Variants in OR51L1 observed in about 807,000 individuals in gnomAD.
The protein encoded by OR51L1 is olfactory receptor 51L1.
Under a neutral mutation model 1.4 loss-of-function variants are expected in OR51L1, and 1 was observed. The ratio of observed to expected loss-of-function variants is 0.72; its 90% confidence interval spans 0.26 to 3.42. OR51L1 has a LOEUF of 3.42. OR51L1 is among the 30% of genes most tolerant of loss of function. The pLI is 0.20. For missense variants in OR51L1, 378 were observed against 380.0 expected, an observed-to-expected ratio of 0.99 and a Z score of 0.04; for synonymous variants, 156 against 144.2, an observed-to-expected ratio of 1.08 and a Z score of -0.59.
rs1319326710 is a variant in OR51L1, at chr11:5,002,325, A to C, written c.*2395A>C. On this transcript the variant is annotated 3_prime_UTR_variant, in exon 3 of 3. Coordinates refer to ENST00000641819, the MANE Select transcript of OR51L1 (RefSeq NM_001004755.2). ...CACATCACTGGGAAAGGTATTCTAG[A>C]AAGAGGAGGTAACATGAAGAAAGCA... The C allele has an allele frequency of 1.3e-5, 2 of 152,196 alleles. No homozygotes were observed. The highest frequency in any genetic ancestry group is 3.8e-4 in the East Asian group (2 of 5,198). The allele number at this position is 152,196 out of a possible 1,614,324, so 9.4% of individuals were successfully genotyped here. A position where few individuals can be genotyped will look rare whatever the true frequency, so the allele number is the denominator to read the frequency against.
rs536700112 is a variant in OR51L1, at chr11:4,995,917, C to T, written c.-262+582C>T. ...GGGAAAGTACACACAGAAATAGAAACGGGAAAGGGGCTTAGGGGGCCCGGG... is the reference window on the plus strand; with the variant it reads ...GGGAAAGTACACACAGAAATAGAAATGGGAAAGGGGCTTAGGGGGCCCGGG... On this transcript the variant is annotated intron_variant, in intron 1 of 2. Transcript: ENST00000641819. Among the ~76,000 whole-genome samples, 9 of 151,896 alleles carry T rather than the reference C, an allele frequency of 5.9e-5. No homozygotes were observed. The South Asian group carries it at 1.2e-3, about 21-fold the overall frequency.
In OR51L1 at chr11:4,999,580, T is replaced by C; in HGVS notation, c.598T>C (p.Tyr200His). 1 of 1,614,026 alleles carries C rather than the reference T, an allele frequency of 6.2e-7. No homozygotes were observed. Among genetic ancestry groups the C allele is most frequent in the Non-Finnish European group, 8.5e-7 (1 of 1,179,976 alleles). Reference sequence around the variant, plus strand: ...TACAGATGCCAGGACCAACAGTATTTATGGGCTTTGTGTAGTCATTGCCAC... The same window carrying C: ...TACAGATGCCAGGACCAACAGTATTCATGGGCTTTGTGTAGTCATTGCCAC... ...SCTDARTNSI[Y>H]GLCVVIATLG... Residue 200 changes from tyrosine (Y) to histidine (H), a missense_variant, in exon 3 of 3, where the codon TAT becomes CAT. Transcript: ENST00000641819.
In OR51L1 at chr11:5,003,628, A is replaced by T. The variant is rs1434902775; in HGVS notation, c.*3698A>T. The stretch of plus-strand genomic sequence containing the variant: ...GCCTAACTACCTGTAACATAGAAAG[A>T]TAAAATAAAATTCTCAAGGATTCCT... On this transcript the variant is annotated 3_prime_UTR_variant, in exon 3 of 3. Transcript: ENST00000641819. 1 of 152,180 alleles carries T rather than the reference A, an allele frequency of 6.6e-6. No individual in the cohort carries two copies. The highest frequency in any genetic ancestry group is 1.5e-5 in the Non-Finnish European group (1 of 68,038). 9.4% of individuals were successfully genotyped at this position (152,180 alleles called of 1,614,324 possible).
Position 4,999,775 on chromosome 11 carries a change from C to A in OR51L1, c.793C>A (p.Arg265Ser), listed in dbSNP as rs745967405. The change falls in exon 3 of 3, where the codon CGC (arginine) becomes AGC (serine). Residue 265 changes from arginine to serine, a missense_variant. Arg to Ser is a moderately radical substitution (Grantham distance 110). Coordinates refer to ENST00000641819, the MANE Select transcript of OR51L1 (RefSeq NM_001004755.2). ...VPVIGVSMVH[R>S]FGKHLSPIVH... Reference sequence around the variant, plus strand: ...AGTTATTGGGGTGTCAATGGTCCATCGCTTTGGGAAGCATCTGTCTCCCAT... The same window carrying A: ...AGTTATTGGGGTGTCAATGGTCCATAGCTTTGGGAAGCATCTGTCTCCCAT... The A allele has an allele frequency of 1.2e-6, 2 of 1,614,054 alleles. No homozygotes were observed. Among genetic ancestry groups the A allele is most frequent in the Non-Finnish European group, 1.7e-6 (2 of 1,179,992 alleles).
intron 2 of OR51L1, among the ~76,000 whole-genome samples, chr11:4,998,076 A>G (rs10837106): frequency 0.29 from 44,607 of 151,690 alleles, 6,819 homozygotes; most frequent in African/African-American, 0.34. Flanking sequence ...TGTTAAATGC[A>G]TTGTTCTCAT....
Position 5,002,802 on chromosome 11 carries a change from T to A in OR51L1, c.*2872T>A, listed in dbSNP as rs1285912514. 1 of 152,168 alleles carries A rather than the reference T, an allele frequency of 6.6e-6. No individual in the cohort carries two copies. The highest frequency in any genetic ancestry group is 1.5e-5 in the Non-Finnish European group (1 of 68,036). 9.4% of individuals were successfully genotyped at this position (152,168 alleles called of 1,614,324 possible). ...CACTTTCATTCCTTTTCATTTAAGA[T>A]GATTATCCCAGGGATTCTCTTATTA... On this transcript the variant is annotated 3_prime_UTR_variant, in exon 3 of 3. Coordinates refer to ENST00000641819, the MANE Select transcript of OR51L1 (RefSeq NM_001004755.2).
In OR51L1 at chr11:4,999,608, T is replaced by C. The variant is rs764720118; in HGVS notation, c.626T>C (p.Leu209Pro). The C allele has an allele frequency of 1.2e-6, 2 of 1,612,652 alleles. No individual in the cohort carries two copies. Among genetic ancestry groups the C allele is most frequent in the Non-Finnish European group, 1.7e-6 (2 of 1,178,706 alleles). Reference protein sequence around the residue: ...IYGLCVVIATLGVDSIFILLS... With the variant: ...IYGLCVVIATPGVDSIFILLS... Reference sequence around the variant, plus strand: ...GGGCTTTGTGTAGTCATTGCCACACTAGGTGTGGATTCAATCTTCATACTT... The same window carrying C: ...GGGCTTTGTGTAGTCATTGCCACACCAGGTGTGGATTCAATCTTCATACTT... The change falls in exon 3 of 3, where the codon CTA becomes CCA. Residue 209 changes from leucine (L) to proline (P), a missense_variant. By Grantham distance (98) the Leu-to-Pro change is moderately conservative (BLOSUM62 -3). Coordinates refer to ENST00000641819, the MANE Select transcript of OR51L1 (RefSeq NM_001004755.2).
rs1847154679 is a variant in OR51L1, at chr11:5,004,068, G to A, written c.*4138G>A. On this transcript the variant is annotated 3_prime_UTR_variant, in exon 3 of 3. Transcript: ENST00000641819. ...CAACTTTAAAGAAGGTAAAGACAAC[G>A]CTGAGTAATACCCTAGAGCTAAGAG... 6.6e-6 allele frequency: 1 copy of A among 151,992 alleles called. No individual in the cohort carries two copies. The highest frequency in any genetic ancestry group is 1.5e-5 in the Non-Finnish European group (1 of 68,008). 9.4% of individuals were successfully genotyped at this position (151,992 alleles called of 1,614,324 possible). A position where few individuals can be genotyped will look rare whatever the true frequency, so the allele number is the denominator to read the frequency against.
In OR51L1 at chr11:5,005,373, G is replaced by C. The variant is rs1255709373; in HGVS notation, c.*5443G>C. 6.6e-6 allele frequency: 1 copy of C among 152,122 alleles called. No homozygotes were observed. The highest frequency in any genetic ancestry group is 2.4e-5 in the African/African-American group (1 of 41,406). 9.4% of individuals were successfully genotyped at this position (152,122 alleles called of 1,614,324 possible). On this transcript the variant is annotated 3_prime_UTR_variant, in exon 3 of 3. Transcript: ENST00000641819. ...TACTGAACACTAACTGAAGTCTCAG[G>C]AATGTAACTATTTCCCCTACTGCCC...
chr11:4,995,116 G>T lies in OR51L1; in HGVS notation c.-481G>T, dbSNP rs1261428668. 3.3e-5 allele frequency: 5 copies of T among 152,002 alleles called. No individual in the cohort carries two copies. Among genetic ancestry groups the T allele is most frequent in the Admixed American group, 6.6e-5 (1 of 15,248 alleles). 9.4% of individuals were successfully genotyped at this position (152,002 alleles called of 1,614,324 possible). ...AATATAAAAAAATGGCAGCAGGAAG[G>T]AGGCTAGAAAAGATAGTAAAGATAA... On this transcript the variant is annotated 5_prime_UTR_variant, in exon 1 of 3. Transcript: ENST00000641819.
intron 2 of OR51L1, among the ~76,000 whole-genome samples, chr11:4,998,587 A>G (rs1320350033): frequency 6.6e-6 from 1 of 152,218 alleles, no homozygotes; most frequent in Non-Finnish European, 1.5e-5. Context: ...GATTAACTCA[A>G]GAACATTGGC....
chr11:4,996,145 G>A (rs900878486), intron 1 of OR51L1, among the ~76,000 whole-genome samples: 1 of 151,930 alleles, frequency 6.6e-6, no homozygotes, highest in Admixed American at 6.6e-5. Flanking sequence ...TTAAGTGAGG[G>A]ATAAACCAAT....
Position 5,000,220 on chromosome 11 carries a change from G to T in OR51L1, c.*290G>T. 1 of 250,626 alleles carries T rather than the reference G, an allele frequency of 4.0e-6. No homozygotes were observed. The highest frequency in any genetic ancestry group is 7.4e-6 in the Non-Finnish European group (1 of 134,614). 15.5% of individuals were successfully genotyped at this position (250,626 alleles called of 1,614,324 possible). On this transcript the variant is annotated 3_prime_UTR_variant, in exon 3 of 3. Coordinates refer to ENST00000641819, the MANE Select transcript of OR51L1 (RefSeq NM_001004755.2). Reference sequence around the variant, plus strand: ...TATACAAAATTATTAATGTTATTAAGTTGTCATTGTTGTTAATGATAACAG... The same window carrying T: ...TATACAAAATTATTAATGTTATTAATTTGTCATTGTTGTTAATGATAACAG...
In OR51L1 at chr11:5,000,106, A is replaced by C. The variant is rs1482057678; in HGVS notation, c.*176A>C. 3.0e-6 allele frequency: 2 copies of C among 657,256 alleles called. No homozygotes were observed. Among genetic ancestry groups the C allele is most frequent in the Non-Finnish European group, 4.9e-6 (2 of 410,196 alleles). 40.7% of individuals were successfully genotyped at this position (657,256 alleles called of 1,614,324 possible). A position where few individuals can be genotyped will look rare whatever the true frequency, so the allele number is the denominator to read the frequency against. On this transcript the variant is annotated 3_prime_UTR_variant, in exon 3 of 3. Transcript: ENST00000641819. ...TGAAACTCAGGATTTTTTTGGACAA[A>C]TTGTGACAACTATGGCCTTACGTTG...
At position 4,998,845 on chromosome 11, in the gene OR51L1, T is replaced by A; in HGVS notation, c.-138T>A. 1.1e-6 allele frequency: 1 copy of A among 919,840 alleles called. No individual in the cohort carries two copies. The highest frequency in any genetic ancestry group is 1.8e-5 in the South Asian group (1 of 55,836). 57.0% of individuals were successfully genotyped at this position (919,840 alleles called of 1,614,324 possible). On this transcript the variant is annotated 5_prime_UTR_variant, in exon 3 of 3. Coordinates refer to ENST00000641819, the MANE Select transcript of OR51L1 (RefSeq NM_001004755.2). ...ATAGGGCCGACAAGAGATACCAGCTTCCTTCCTCTGTGAGGTTAGACGAAA... is the reference window on the plus strand; with the variant it reads ...ATAGGGCCGACAAGAGATACCAGCTACCTTCCTCTGTGAGGTTAGACGAAA...
rs1377308904 is a variant in OR51L1, at chr11:5,000,256, C to T, written c.*326C>T. 1 of 206,502 alleles carries T rather than the reference C, an allele frequency of 4.8e-6. No individual in the cohort carries two copies. Among genetic ancestry groups the T allele is most frequent in the African/African-American group, 2.3e-5 (1 of 43,294 alleles). The allele number at this position is 206,502 out of a possible 1,614,324, so 12.8% of individuals were successfully genotyped here. On this transcript the variant is annotated 3_prime_UTR_variant, in exon 3 of 3. Transcript: ENST00000641819. ...TGTTAATGATAACAGTATTTTCCTT[C>T]TTAAATGTAGCTGTGTTTATATTGT...
rs1847154193 is a variant in OR51L1, at chr11:5,004,004, G to A, written c.*4074G>A. On this transcript the variant is annotated 3_prime_UTR_variant, in exon 3 of 3. Transcript: ENST00000641819. ...AAAATCACACAGTAATTTGAATAGA[G>A]TTTATAAATACAAATACTTATTAAT... 6.6e-6 allele frequency: 1 copy of A among 152,074 alleles called. No homozygotes were observed. Among genetic ancestry groups the A allele is most frequent in the African/African-American group, 2.4e-5 (1 of 41,426 alleles). The allele number at this position is 152,074 out of a possible 1,614,324, so 9.4% of individuals were successfully genotyped here.
In OR51L1 at chr11:5,003,480, G is replaced by A. The variant is rs1847149958; in HGVS notation, c.*3550G>A. ...TAGTGCAACAGGTGTGGACCATCAG[G>A]AAATGGCCTCTCCCTGGCGCAGGCT... is the stretch of plus-strand genomic sequence containing the variant. On this transcript the variant is annotated 3_prime_UTR_variant, in exon 3 of 3. Transcript: ENST00000641819. The A allele has an allele frequency of 6.6e-6, 1 of 152,188 alleles. No individual in the cohort carries two copies. Among genetic ancestry groups the A allele is most frequent in the Non-Finnish European group, 1.5e-5 (1 of 68,144 alleles). The allele number at this position is 152,188 out of a possible 1,614,324, so 9.4% of individuals were successfully genotyped here.
In OR51L1 at chr11:4,998,863, A is replaced by G. The variant is rs981952192; in HGVS notation, c.-120A>G. The G allele has an allele frequency of 1.8e-6, 2 of 1,089,808 alleles. No homozygotes were observed. Among genetic ancestry groups the G allele is most frequent in the African/African-American group, 3.2e-5 (2 of 63,432 alleles). 67.5% of individuals were successfully genotyped at this position (1,089,808 alleles called of 1,614,324 possible). ...ACCAGCTTCCTTCCTCTGTGAGGTT[A>G]GACGAAAGATGTATTTTTGTCCTCA... On this transcript the variant is annotated 5_prime_UTR_variant, in exon 3 of 3. Coordinates refer to ENST00000641819, the MANE Select transcript of OR51L1 (RefSeq NM_001004755.2).
Sources: allele counts gnomAD v4.1 joint callset (sites outside exome capture counted in the v4.1 genomes callset), GRCh38; gene constraint gnomAD v4.1.1; transcripts MANE v1.5; gene names NCBI Gene and HGNC (gene_info 2026-07-23, HGNC 2026-07-21).